The following ABCG5 variants were observed in gnomAD, a reference collection of about 807,000 sequenced individuals.
The protein encoded by ABCG5 is ATP binding cassette subfamily G member 5.
In ABCG5, 64 loss-of-function variants were observed where a neutral mutation model predicts 64.5. The observed-to-expected ratio is 0.99, with a 90% CI of 0.81 to 1.22. The LOEUF (loss-of-function observed/expected upper bound fraction) is 1.22. Among genes scored for constraint, ABCG5 ranks in the 50% most tolerant of loss-of-function variants. ABCG5 has a pLI of 0.00. For synonymous variants in ABCG5, 385 were observed against 326.3 expected, an observed-to-expected ratio of 1.18 and a Z score of -1.94; for missense variants, 908 against 829.5, an observed-to-expected ratio of 1.09 and a Z score of -1.16.
rs575118638 is a variant in ABCG5 at position 43,838,672 on chromosome 2, T to A, written c.8A>T (p.Asp3Val). 1 of 1,613,450 alleles carries A rather than the reference T, an allele frequency of 6.2e-7. No homozygotes were observed. Among genetic ancestry groups the A allele is most frequent in the Non-Finnish European group, 8.5e-7 (1 of 1,179,904 alleles). Reference protein sequence around the residue: MGDLSSLTPGGSM... With the variant: MGVLSSLTPGGSM... ...CCCTCCGGGGGTCAAAGATGAGAGG[T>A]CACCCATGGCCAACAGGCAGCAAAG... The change falls in exon 1 of 13, where the codon GAC becomes GTC. Residue 3 changes from aspartate (D) to valine (V), a missense_variant. Transcript: ENST00000405322. This position sits in a 1 kb window ranked among gnomAD's most constrained non-coding sequence, Gnocchi z 4.2.
intron 2 of ABCG5, among the ~76,000 whole-genome samples, chr2:43,835,365 T>TTACTTCTTTATAAGGACTGC (rs1241898078): frequency 6.6e-6 from 1 of 152,184 alleles, no homozygotes; most frequent in Non-Finnish European, 1.5e-5. Context: ...GCCACCTTGT[T>TTACTTCTTTATAAGGACTGC]TACTTCTTTA....
chr2:43,829,690 AG>A (rs1667847998), intron 4 of ABCG5, among the ~76,000 whole-genome samples: 5 of 152,220 alleles, frequency 3.3e-5, no homozygotes, highest in African/African-American at 1.2e-4. Context: ...GAAAGCAGAA[AG>A]AGACAGAAGA....
At chr2:43,806,924 T>C in the ABCG5 span, among the ~76,000 whole-genome samples, 6 of 152,120 alleles carry the variant, frequency 3.9e-5, no homozygotes, top group Admixed American at 6.6e-5. Context: ...TGAAAAGTTA[T>C]GCTGTCCTAA....
In ABCG5 at chr2:43,838,529, T is replaced by A; in HGVS notation, c.143+8A>T. 6.3e-7 allele frequency: 1 copy of A among 1,595,974 alleles called. No homozygotes were observed. Among genetic ancestry groups the A allele is most frequent in the Non-Finnish European group, 8.5e-7 (1 of 1,171,978 alleles). ...GGGGGAGCAGCAGCAGCAAGGGCTC[T>A]GCCTTACCTGACGCTGTAGGAGGCA... On this transcript the variant is annotated splice_region_variant and intron_variant, in intron 1 of 12. Transcript: ENST00000405322. This position sits in a 1 kb window ranked among gnomAD's most constrained non-coding sequence, Gnocchi z 4.2.
chr2:43,813,433 A>G, intron 12 of ABCG5, 124 bp from the exon 13 acceptor site: 1 of 734,242 alleles, frequency 1.4e-6, no homozygotes, highest in Non-Finnish European at 2.4e-6. Flanking sequence ...GCAAGCCCAG[A>G]GTTTACAATT....
downstream of ABCG5, among the ~76,000 whole-genome samples, chr2:43,807,608 T>G (rs979078934): frequency 6.6e-6 from 1 of 151,866 alleles, no homozygotes; most frequent in African/African-American, 2.4e-5. Context: ...CCCGGGTAAT[T>G]TTTTTGTTTT....
At position 43,813,136 on chromosome 2, in the gene ABCG5, C is replaced by T; in HGVS notation, c.1936G>A (p.Asp646Asn). The change falls in exon 13 of 13, where the codon GAT becomes AAT. Residue 646 changes from aspartate (D) to asparagine (N), a missense_variant. Coordinates refer to ENST00000405322, the MANE Select transcript of ABCG5 (RefSeq NM_022436.3). ...ILGIVVFKIR[D>N]HLISR ...TTTCACTACCTGCTAATGAGATGAT[C>T]CCTTATTTTGAAAACAACTATTCCT... The T allele has an allele frequency of 7.6e-7, 1 of 1,322,508 alleles. No individual in the cohort carries two copies. Among genetic ancestry groups the T allele is most frequent in the Non-Finnish European group, 1.1e-6 (1 of 914,744 alleles). 81.9% of individuals were successfully genotyped at this position (1,322,508 alleles called of 1,614,324 possible). A position where few individuals can be genotyped will look rare whatever the true frequency, so the allele number is the denominator to read the frequency against.
rs1667734804 is a variant in ABCG5 at position 43,828,122 on chromosome 2, G to A, written c.502-7C>T. 3 of 1,613,898 alleles carry A rather than the reference G, an allele frequency of 1.9e-6. No homozygotes were observed. The highest frequency in any genetic ancestry group is 1.3e-5 in the African/African-American group (1 of 74,994). Reference sequence around the variant, plus strand: ...CTGCCATGACGGCCTCCACCTGCAGGAGACACAAATTACAGGAAGGCTGGG... The same window carrying A: ...CTGCCATGACGGCCTCCACCTGCAGAAGACACAAATTACAGGAAGGCTGGG... On this transcript the variant is annotated splice_polypyrimidine_tract_variant and splice_region_variant and intron_variant, in intron 4 of 12. Transcript: ENST00000405322.
chr2:43,820,063 A>G lies in ABCG5; in HGVS notation c.1501T>C (p.Tyr501His), dbSNP rs1002014813. Reference sequence around the variant, plus strand: ...GGGGCCAAGAGAGCAGCAGAAAAATATCCAAATCGGGCAACCTCAGGATGT... The same window carrying G: ...GGGGCCAAGAGAGCAGCAGAAAAATGTCCAAATCGGGCAACCTCAGGATGT... The part of the protein sequence containing the change: ...GLHPEVARFG[Y>H]FSAALLAPHL... Residue 501 changes from tyrosine (Y) to histidine (H), a missense_variant, in exon 11 of 13, where the codon TAT becomes CAT. Physicochemically the swap from Tyr to His is moderately conservative, Grantham distance 83. Transcript: ENST00000405322. 9.3e-6 allele frequency: 15 copies of G among 1,614,068 alleles called. No individual in the cohort carries two copies. Among genetic ancestry groups the G allele is most frequent in the Admixed American group, 8.3e-5 (5 of 59,998 alleles).
At chr2:43,815,584 A>G (rs2104757249) in intron 11 of ABCG5, among the ~76,000 whole-genome samples, 1 of 152,300 alleles carries the variant, frequency 6.6e-6, no homozygotes, top group East Asian at 1.9e-4. Flanking sequence ...AGAGGTTGCT[A>G]ATTGAAAAGG....
At chr2:43,808,654 A>C (rs144450814), downstream of ABCG5, among the ~76,000 whole-genome samples, 1 of 152,230 alleles carries the variant, frequency 6.6e-6, no homozygotes, top group Admixed American at 6.5e-5. Flanking sequence ...CTCCTTGTGA[A>C]AAAATTCAAG....
chr2:43,825,260 G>C (rs1667524526), intron 6 of ABCG5, among the ~76,000 whole-genome samples: 1 of 152,180 alleles, frequency 6.6e-6, no homozygotes, highest in South Asian at 2.1e-4. Flanking sequence ...TGTGGGTCAT[G>C]CTGCCTCCCA....
chr2:43,813,708 CG>C (rs1666621586), intron 12 of ABCG5, among the ~76,000 whole-genome samples: 28 of 35,346 alleles, frequency 7.9e-4, no homozygotes, highest in Middle Eastern at 0.019. Flanking sequence ...TTTTTTTTTT[CG>C]TTTTTTTTTT....
chr2:43,818,671 C>G (rs1378304883), intron 11 of ABCG5, among the ~76,000 whole-genome samples: 1 of 152,126 alleles, frequency 6.6e-6, no homozygotes, highest in Non-Finnish European at 1.5e-5. Flanking sequence ...TAAATATTAA[C>G]AATCCACTTA....
downstream of ABCG5, among the ~76,000 whole-genome samples, chr2:43,809,520 G>C (rs1666404049): frequency 6.6e-6 from 1 of 152,150 alleles, no homozygotes; most frequent in African/African-American, 2.4e-5. Context: ...AAACTCTGAA[G>C]ACAGTATTTC....
chr2:43,836,888 T>G (rs927846650), intron 2 of ABCG5, among the ~76,000 whole-genome samples: 1 of 151,682 alleles, frequency 6.6e-6, no homozygotes. Context: ...AAAATAAAAA[T>G]AAATTAGCCG....
chr2:43,829,988 T>C (rs1667865750), intron 4 of ABCG5, among the ~76,000 whole-genome samples: 1 of 152,212 alleles, frequency 6.6e-6, no homozygotes, highest in Non-Finnish European at 1.5e-5. Context: ...AAAAGAAAGC[T>C]CTTCTCTTGC....
rs1024540175 is a variant in ABCG5 at position 43,834,628 on chromosome 2, C to T, written c.266-2545G>A. Among the ~76,000 whole-genome samples, 24 of 152,342 alleles carry T rather than the reference C, an allele frequency of 1.6e-4. No individual in the cohort carries two copies. In the East Asian group the frequency reaches 4.4e-3, roughly 28 times the overall value. The stretch of plus-strand genomic sequence containing the variant: ...TCAAAAGAGGATATGAGAGGCTGGG[C>T]GTGGTGGCTCATGCCTGTAATCCCA... On this transcript the variant is annotated intron_variant, in intron 2 of 12. Transcript: ENST00000405322.
chr2:43,810,833 G>A (rs541595884), downstream of ABCG5, among the ~76,000 whole-genome samples: 14 of 152,270 alleles, frequency 9.2e-5, no homozygotes, highest in South Asian at 6.2e-4. Flanking sequence ...TGAACATTAT[G>A]ATCTCAGAAA....
Sources: gnomAD v4.1 joint callset for allele counts (sites outside exome capture counted in the v4.1 genomes callset) on GRCh38, gnomAD v4.1.1 for gene constraint, Gnocchi (gnomAD v3.1) non-coding constraint, MANE v1.5 for transcripts, NCBI Gene and HGNC (gene_info 2026-07-23, HGNC 2026-07-21) for gene names.